RAP1GAP2: variants seen among roughly 807,000 people sequenced by gnomAD.
The protein encoded by RAP1GAP2 is rap1 GTPase-activating protein 2.
A neutral mutation model predicts 95.0 loss-of-function variants in RAP1GAP2; 27 were observed. The observed-to-expected ratio is 0.28, with a 90% CI of 0.21 to 0.39. The LOEUF is 0.39. Ranked by LOEUF, RAP1GAP2 falls within the 10% of genes least tolerant of loss-of-function variation. The pLI is 1.00. For synonymous variants in RAP1GAP2, 373 were observed against 380.9 expected, an observed-to-expected ratio of 0.98 and a Z score of 0.24; for missense variants, 771 against 970.0, an observed-to-expected ratio of 0.79 and a Z score of 2.72.
intron 2 of RAP1GAP2, among the ~76,000 whole-genome samples, chr17:2,843,916 G>A (rs937806169): frequency 1.3e-5 from 2 of 152,134 alleles, no homozygotes; most frequent in Admixed American, 1.3e-4. Flanking sequence ...TGTGGGTACA[G>A]TGAGCGAGGG....
intron 2 of RAP1GAP2, among the ~76,000 whole-genome samples, chr17:2,885,253 C>T (rs553611620): frequency 1.6e-4 from 24 of 152,056 alleles, no homozygotes; most frequent in Admixed American, 1.2e-3. Context: ...AGGCTGGTCT[C>T]GAACTCCTGA....
chr17:2,794,307 G>C (rs1212523915), upstream of RAP1GAP2, among the ~76,000 whole-genome samples: 1 of 152,146 alleles, frequency 6.6e-6, no homozygotes, highest in Non-Finnish European at 1.5e-5. Context: ...GGCCTGGTCA[G>C]GTGCCCACTC....
chr17:2,812,692 T>A (rs1312902097), intron 2 of RAP1GAP2, among the ~76,000 whole-genome samples: 1 of 152,064 alleles, frequency 6.6e-6, no homozygotes, highest in Non-Finnish European at 1.5e-5. Flanking sequence ...GAGGTGCTTT[T>A]AAAAATTCTG....
chr17:3,006,631 T>C (rs1027438710), intron 16 of RAP1GAP2, among the ~76,000 whole-genome samples: 3 of 150,768 alleles, frequency 2.0e-5, no homozygotes, highest in Non-Finnish European at 2.9e-5. Context: ...GATGGGGTTT[T>C]GCCATGTTAG....
At chr17:3,030,521 G>A (rs1013885611) in intron 22 of RAP1GAP2, among the ~76,000 whole-genome samples, 10 of 152,128 alleles carry the variant, frequency 6.6e-5, no homozygotes, top group African/African-American at 1.9e-4. Flanking sequence ...TGATGTCCTC[G>A]AACGTGGACT....
intron 2 of RAP1GAP2, among the ~76,000 whole-genome samples, chr17:2,807,683 G>A (rs927432403): frequency 5.3e-5 from 8 of 152,192 alleles, no homozygotes; most frequent in African/African-American, 1.9e-4. Flanking sequence ...GCTTCAGCAG[G>A]TGGGACCTGG....
At chr17:2,806,376 T>TTTATTTTTATTATTA (rs2069515958) in intron 2 of RAP1GAP2, among the ~76,000 whole-genome samples, 1 of 139,942 alleles carries the variant, frequency 7.1e-6, no homozygotes, top group Non-Finnish European at 1.5e-5. Context: ...CTACAACCTT[T>TTTATTTTTATTATTA]TTATTATTAT....
intron 1 of RAP1GAP2, among the ~76,000 whole-genome samples, chr17:2,756,191 C>T (rs371554381): frequency 6.6e-6 from 1 of 152,362 alleles, no homozygotes. Flanking sequence ...CCCGAGAAGG[C>T]ACCACCCACA....
intron 7 of RAP1GAP2, 54 bp downstream of exon 7, chr17:2,964,122 T>C (rs1597737268): frequency 1.4e-6 from 2 of 1,402,294 alleles, no homozygotes; most frequent in Non-Finnish European, 1.9e-6. Context: ...CTGGGGACGC[T>C]GGGAGAGAGG....
rs74815860 is a variant in RAP1GAP2 at position 3,012,068 on chromosome 17, G to A, written c.1494+3923G>A. ...CCTTGATCTTTCTCCTGAGCAGCAG[G>A]CCTGCCATTGCCCTGTGTTGTGCCG... On this transcript the variant is annotated intron_variant, in intron 17 of 24. Coordinates refer to ENST00000254695, the MANE Select transcript of RAP1GAP2 (RefSeq NM_015085.5). Among the ~76,000 whole-genome samples, 558 of 152,274 alleles carry A rather than the reference G, an allele frequency of 3.7e-3. 7 individuals carry two copies. Among genetic ancestry groups the A allele is most frequent in the African/African-American group, 0.013 (526 of 41,548 alleles).
chr17:2,774,273 G>A (rs1224836835), upstream of RAP1GAP2, among the ~76,000 whole-genome samples: 1 of 152,124 alleles, frequency 6.6e-6, no homozygotes, highest in Non-Finnish European at 1.5e-5. Context: ...AGTGAGGGAA[G>A]AGAAGGTCCT....
At position 3,026,380 on chromosome 17, in the gene RAP1GAP2, T is replaced by C. The variant is rs12941934; in HGVS notation, c.1896T>C (p.Arg632=). The C allele has an allele frequency of 0.6, 923,406 of 1,551,596 alleles. 276,553 individuals carry two copies. Among genetic ancestry groups the C allele is most frequent in the Admixed American group, 0.69 (35,253 of 51,066 alleles). ...KPFMKLKENG[R]AISRSSSSTS... is the part of the protein sequence containing the mutation. ...TCATGAAGTTGAAGGAAAACGGCCG[T>C]GCCATCTCCCGCTCCTCCTCCAGCA... The change falls in exon 21 of 25, where the codon CGT becomes CGC. Residue 632 remains arginine (R), a synonymous_variant. Transcript: ENST00000254695.
intron 8 of RAP1GAP2, among the ~76,000 whole-genome samples, chr17:2,968,924 G>T (rs111907839): frequency 1.7e-4 from 26 of 152,132 alleles, no homozygotes; most frequent in African/African-American, 6.3e-4. Context: ...AGCAATCAGT[G>T]TGATAAAGAG....
chr17:2,857,619 A>G lies in RAP1GAP2; in HGVS notation c.81-47665A>G, dbSNP rs903865790. 6.6e-6 allele frequency among the ~76,000 whole-genome samples: 1 copy of G among 151,776 alleles called. No homozygotes were observed. The highest frequency in any genetic ancestry group is 1.5e-5 in the Non-Finnish European group (1 of 67,978). ...AAAGCAGTGGCGTGTCTGAGAGGGG[A>G]TTGGGTTTGAGTATGGCTCCCAGGA... On this transcript the variant is annotated intron_variant, in intron 2 of 24. Coordinates refer to ENST00000254695, the MANE Select transcript of RAP1GAP2 (RefSeq NM_015085.5). This position sits in a 1 kb window ranked among gnomAD's most constrained non-coding sequence, Gnocchi z 4.0.
At chr17:2,776,564 C>T (rs904997610), upstream of RAP1GAP2, among the ~76,000 whole-genome samples, 1 of 152,048 alleles carries the variant, frequency 6.6e-6, no homozygotes. Context: ...GCCCCCTCTC[C>T]GCGGCTGCGC....
chr17:2,894,846 C>T (rs534971404), intron 2 of RAP1GAP2, among the ~76,000 whole-genome samples: 3 of 152,280 alleles, frequency 2.0e-5, no homozygotes, highest in Non-Finnish European at 4.4e-5. Context: ...GGGCAGCGCC[C>T]CTCGGCCCCG....
chr17:2,874,287 G>A (rs922790206), intron 2 of RAP1GAP2, among the ~76,000 whole-genome samples: 20 of 152,094 alleles, frequency 1.3e-4, no homozygotes, highest in Admixed American at 1.0e-3. Flanking sequence ...CATTTAAATG[G>A]GGACTCTTGA....
chr17:2,918,024 CCCTCTTCTTAGCTGTATAA>C (rs1311744028), intron 3 of RAP1GAP2, among the ~76,000 whole-genome samples: 2 of 149,470 alleles, frequency 1.3e-5, no homozygotes, highest in African/African-American at 4.9e-5. Context: ...CCAAAGCTTA[CCCTCTTCTTAGCTGTATAA>C]CCTCTGTGCA....
At chr17:2,893,557 G>T (rs993967591) in intron 2 of RAP1GAP2, among the ~76,000 whole-genome samples, 4 of 152,330 alleles carry the variant, frequency 2.6e-5, no homozygotes, top group South Asian at 2.1e-4. Context: ...AGATGAATGC[G>T]CCTTTCCTCG....
Sources: allele counts gnomAD v4.1 joint callset (sites outside exome capture counted in the v4.1 genomes callset), GRCh38; gene constraint gnomAD v4.1.1; non-coding constraint Gnocchi (gnomAD v3.1); transcripts MANE v1.5; gene names NCBI Gene and HGNC (gene_info 2026-07-23, HGNC 2026-07-21).